FMOD: variants seen among roughly 807,000 people sequenced by gnomAD.
The protein encoded by FMOD is fibromodulin, also known as KSPG fibromodulin.
A neutral mutation model predicts 27.0 loss-of-function variants in FMOD; 15 were observed. The ratio of observed to expected loss-of-function variants is 0.55; its 90% CI spans 0.37 to 0.85. The LOEUF (loss-of-function observed/expected upper bound fraction) is 0.85, where lower values mean the gene tolerates loss of function less well. FMOD is among the 40% of genes least tolerant of loss of function. The pLI, the probability that FMOD is intolerant of heterozygous loss-of-function variation, is 0.00. For synonymous variants in FMOD, 210 were observed against 214.0 expected, an observed-to-expected ratio of 0.98 and a Z score of 0.16; for missense variants, 460 against 483.2, an observed-to-expected ratio of 0.95 and a Z score of 0.45.
At chr1:203,349,065 G>A (rs1443211512) in intron 1 of FMOD, among the ~76,000 whole-genome samples, 2 of 152,224 alleles carry the variant, frequency 1.3e-5, no homozygotes, top group Non-Finnish European at 2.9e-5. Flanking sequence ...ACTGGGTGTG[G>A]CACTTGCCTT....
At chr1:203,349,087 A>C (rs1225097005) in intron 1 of FMOD, among the ~76,000 whole-genome samples, 2 of 152,214 alleles carry the variant, frequency 1.3e-5, no homozygotes, top group Non-Finnish European at 2.9e-5. Context: ...TAAAGCAGGT[A>C]CTCAGTGTGT....
Position 203,348,104 on chromosome 1 carries a change from C to A in FMOD, c.167G>T (p.Gly56Val), listed in dbSNP as rs759516364. The A allele has an allele frequency of 6.9e-5, 111 of 1,613,962 alleles. No homozygotes were observed. Among genetic ancestry groups the A allele is most frequent in the Non-Finnish European group, 8.6e-5 (102 of 1,180,018 alleles). ...GGTGTAGGCTGGCCCTTCATCCACC[C>A]CATAGGGGTAAGGCTCGTAGGTCTC... ...PYETYEPYPY[G>V]VDEGPAYTYG... The change falls in exon 2 of 3, where the codon GGG (glycine) becomes GTG (valine). Residue 56 changes from glycine to valine, a missense_variant. By Grantham distance (109) the Gly-to-Val change is moderately radical (BLOSUM62 -3). Transcript: ENST00000354955.
chr1:203,347,651 A>G lies in FMOD; in HGVS notation c.620T>C (p.Leu207Pro). ...CACTTCCTGGATCTCATTGTGTTGGAGGTACAAGGCCGTGAGGTTCTCCAG... is the reference window on the plus strand; with the variant it reads ...CACTTCCTGGATCTCATTGTGTTGGGGGTACAAGGCCGTGAGGTTCTCCAG... ...EGLENLTALY[L>P]QHNEIQEVGS... is the part of the protein sequence containing the mutation. Residue 207 changes from leucine to proline, a missense_variant, in exon 2 of 3, where the codon CTC (leucine) becomes CCC (proline). By Grantham distance (98) the Leu-to-Pro change is moderately conservative. Coordinates refer to ENST00000354955, the MANE Select transcript of FMOD (RefSeq NM_002023.5). 2 of 1,614,040 alleles carry G rather than the reference A, an allele frequency of 1.2e-6. No individual in the cohort carries two copies. The highest frequency in any genetic ancestry group is 1.7e-6 in the Non-Finnish European group (2 of 1,180,004).
intron 2 of FMOD, among the ~76,000 whole-genome samples, chr1:203,344,395 A>AC (rs948588379): frequency 2.0e-4 from 31 of 151,550 alleles, no homozygotes; most frequent in Middle Eastern, 3.4e-3. Context: ...TACTGTGAGC[A>AC]CCCCCCCGTC....
intron 1 of FMOD, among the ~76,000 whole-genome samples, chr1:203,349,495 G>A (rs2102305948): frequency 6.6e-6 from 1 of 152,276 alleles, no homozygotes; most frequent in South Asian, 2.1e-4. Context: ...AAGAGACTAG[G>A]GGTGGCCTGG....
At chr1:203,346,782 C>A (rs1658896218) in intron 2 of FMOD, among the ~76,000 whole-genome samples, 1 of 152,198 alleles carries the variant, frequency 6.6e-6, no homozygotes, top group Non-Finnish European at 1.5e-5. Context: ...TTCAACCCAC[C>A]ATTCTCCTGA....
In FMOD at chr1:203,348,002, A is replaced by G. The variant is rs754620580; in HGVS notation, c.269T>C (p.Met90Thr). The G allele has an allele frequency of 1.2e-6, 2 of 1,608,218 alleles. No individual in the cohort carries two copies. Among genetic ancestry groups the G allele is most frequent in the Non-Finnish European group, 1.7e-6 (2 of 1,176,598 alleles). Residue 90 changes from methionine (M) to threonine (T), a missense_variant, in exon 2 of 3, where the codon ATG becomes ACG. Met to Thr is a moderately conservative substitution (Grantham distance 81). Coordinates refer to ENST00000354955, the MANE Select transcript of FMOD (RefSeq NM_002023.5). Reference sequence around the variant, plus strand: ...CTTGAGGTTGCGATTGTCACAGTACATGGCCGTGGGGAAGTTGGGTGGGCA... The same window carrying G: ...CTTGAGGTTGCGATTGTCACAGTACGTGGCCGTGGGGAAGTTGGGTGGGCA... ...CDCPPNFPTA[M>T]YCDNRNLKYL... is the part of the protein sequence containing the mutation.
In FMOD at chr1:203,348,008, G is replaced by T. The variant is rs777833449; in HGVS notation, c.263C>A (p.Thr88Lys). 4.4e-6 allele frequency: 7 copies of T among 1,608,334 alleles called. No homozygotes were observed. The highest frequency in any genetic ancestry group is 1.3e-5 in the African/African-American group (1 of 74,928). ...GTTGCGATTGTCACAGTACATGGCC[G>T]TGGGGAAGTTGGGTGGGCAGTCGCA... ...QECDCPPNFP[T>K]AMYCDNRNLK... Residue 88 changes from threonine to lysine, a missense_variant, in exon 2 of 3, where the codon ACG (threonine) becomes AAG (lysine). Coordinates refer to ENST00000354955, the MANE Select transcript of FMOD (RefSeq NM_002023.5).
intron 1 of FMOD, among the ~76,000 whole-genome samples, chr1:203,350,255 A>G (rs901597202): frequency 1.3e-5 from 2 of 152,142 alleles, no homozygotes; most frequent in Non-Finnish European, 1.5e-5. Flanking sequence ...TCCTTACCCC[A>G]TCCCATCTCT....
intron 2 of FMOD, among the ~76,000 whole-genome samples, chr1:203,345,012 T>C (rs891935404): frequency 2.6e-5 from 4 of 152,178 alleles, no homozygotes; most frequent in Non-Finnish European, 5.9e-5. Context: ...AGGCTAATAA[T>C]AATAGCTATC....
intron 1 of FMOD, among the ~76,000 whole-genome samples, chr1:203,350,052 C>G (rs1558194246): frequency 2.0e-5 from 3 of 152,246 alleles, no homozygotes; most frequent in Admixed American, 2.0e-4. Context: ...GTTGCAGGAC[C>G]AAGGTGGCTG....
At chr1:203,344,691 G>T (rs1332046800) in intron 2 of FMOD, among the ~76,000 whole-genome samples, 1 of 152,128 alleles carries the variant, frequency 6.6e-6, no homozygotes, top group Non-Finnish European at 1.5e-5. Flanking sequence ...TCTCTCAGAA[G>T]CTTGTTTCAA....
Position 203,348,021 on chromosome 1 carries a change from G to A in FMOD, c.250C>T (p.Pro84Ser). 6.2e-7 allele frequency: 1 copy of A among 1,609,816 alleles called. No individual in the cohort carries two copies. The highest frequency in any genetic ancestry group is 8.5e-7 in the Non-Finnish European group (1 of 1,177,408). The change falls in exon 2 of 3, where the codon CCC becomes TCC. Residue 84 changes from proline (P) to serine (S), a missense_variant. Physicochemically the swap from Pro to Ser is moderately conservative, Grantham distance 74. Coordinates refer to ENST00000354955, the MANE Select transcript of FMOD (RefSeq NM_002023.5). ...RDCPQECDCP[P>S]NFPTAMYCDN... ...CAGTACATGGCCGTGGGGAAGTTGG[G>A]TGGGCAGTCGCACTCCTGGGGGCAG...
rs1658790011 is a variant in FMOD, at chr1:203,341,240, A to G, written c.*1103T>C. Reference sequence around the variant, plus strand: ...CCTTAGGACAAACCAGGTGAAACAGATTAACCACATCCTCCTTCTTTGGGC... The same window carrying G: ...CCTTAGGACAAACCAGGTGAAACAGGTTAACCACATCCTCCTTCTTTGGGC... On this transcript the variant is annotated 3_prime_UTR_variant, in exon 3 of 3. Transcript: ENST00000354955. The G allele has an allele frequency of 6.6e-6, 1 of 152,238 alleles. No individual in the cohort carries two copies. Among genetic ancestry groups the G allele is most frequent in the Non-Finnish European group, 1.5e-5 (1 of 68,044 alleles). The allele number at this position is 152,238 out of a possible 1,614,324, so 9.4% of individuals were successfully genotyped here.
chr1:203,344,590 G>C (rs933191271), intron 2 of FMOD, among the ~76,000 whole-genome samples: 1 of 152,174 alleles, frequency 6.6e-6, no homozygotes, highest in Non-Finnish European at 1.5e-5. Flanking sequence ...GAAAAACTGA[G>C]GGAGATACTG....
At position 203,347,790 on chromosome 1, in the gene FMOD, A is replaced by G; in HGVS notation, c.481T>C (p.Tyr161His). ...FSKLRHLERL[Y>H]LDHNNLTRMP... ...CGGGTCAGGTTGTTGTGGTCCAGGT[A>G]CAGCCTCTCCAGGTGCCTCAGCTTG... is the stretch of plus-strand genomic sequence containing the variant. Residue 161 changes from tyrosine (Y) to histidine (H), a missense_variant, in exon 2 of 3, where the codon TAC (tyrosine) becomes CAC (histidine). Transcript: ENST00000354955. 4 of 1,613,872 alleles carry G rather than the reference A, an allele frequency of 2.5e-6. No homozygotes were observed. The highest frequency in any genetic ancestry group is 3.4e-6 in the Non-Finnish European group (4 of 1,180,032).
Position 203,342,095 on chromosome 1 carries a change from T to C in FMOD, c.*248A>G. On this transcript the variant is annotated 3_prime_UTR_variant, in exon 3 of 3. Coordinates refer to ENST00000354955, the MANE Select transcript of FMOD (RefSeq NM_002023.5). ...CCGTGAGATTTATGGGGTTGGAACATCCAGGGATCCTTCCATCTACCACCA... is the reference window on the plus strand; with the variant it reads ...CCGTGAGATTTATGGGGTTGGAACACCCAGGGATCCTTCCATCTACCACCA... 1 of 471,090 alleles carries C rather than the reference T, an allele frequency of 2.1e-6. No individual in the cohort carries two copies. Among genetic ancestry groups the C allele is most frequent in the Non-Finnish European group, 3.8e-6 (1 of 264,456 alleles). 29.2% of individuals were successfully genotyped at this position (471,090 alleles called of 1,614,324 possible).
intron 1 of FMOD, among the ~76,000 whole-genome samples, chr1:203,350,593 A>ACG (rs68021273): frequency 0.35 from 53,350 of 151,680 alleles, 10,334 homozygotes; most frequent in East Asian, 0.7. Context: ...ACACACACAC[A>ACG]CACACACACA....
intron 1 of FMOD, among the ~76,000 whole-genome samples, chr1:203,350,102 CCTT>C (rs1658965308): frequency 6.6e-6 from 1 of 152,220 alleles, no homozygotes; most frequent in Non-Finnish European, 1.5e-5. Flanking sequence ...CTCCGTTTCT[CCTT>C]CTTTCAGACT....
Sources: allele counts gnomAD v4.1 joint callset (sites outside exome capture counted in the v4.1 genomes callset), GRCh38; gene constraint gnomAD v4.1.1; transcripts MANE v1.5; gene names NCBI Gene and HGNC (gene_info 2026-07-23, HGNC 2026-07-21).